Variants in MIPEP observed in about 807,000 individuals in gnomAD.
The protein encoded by MIPEP is mitochondrial intermediate peptidase.
A neutral mutation model predicts 90.3 loss-of-function variants in MIPEP; 79 were observed. The ratio of observed to expected loss-of-function variants is 0.87; its 90% CI spans 0.73 to 1.05. The LOEUF (loss-of-function observed/expected upper bound fraction) is 1.05, where lower values mean the gene tolerates loss of function less well. Among genes scored for constraint, MIPEP ranks in the 50% least tolerant of loss-of-function variants. The probability of loss-of-function intolerance (pLI) is 0.00; values close to 1 mark genes in which losing one functional copy is unlikely to be tolerated. For missense variants in MIPEP, 940 were observed against 905.6 expected (o/e 1.04, Z -0.49); for synonymous variants, 334 against 315.8 (o/e 1.06, Z -0.61).
chr13:23,818,909 G>A (rs377174428), intron 14 of MIPEP, among the ~76,000 whole-genome samples: 82 of 152,300 alleles, frequency 5.4e-4, no homozygotes, highest in African/African-American at 1.9e-3. Flanking sequence ...TCCATAATCC[G>A]TTAAGGTCTG....
intron 2 of MIPEP, among the ~76,000 whole-genome samples, chr13:23,885,240 T>G (rs1343504906): frequency 6.6e-6 from 1 of 152,032 alleles, no homozygotes; most frequent in African/African-American, 2.4e-5. Flanking sequence ...GACCTAAAAA[T>G]AGATACAACT....
At chr13:23,860,843 TGA>T (rs1870263211) in intron 9 of MIPEP, among the ~76,000 whole-genome samples, 3 of 151,952 alleles carry the variant, frequency 2.0e-5, no homozygotes, top group Admixed American at 6.6e-5. Context: ...GTGAGAATAA[TGA>T]TTGGGATCAT....
chr13:23,878,538 T>C (rs558957040), intron 4 of MIPEP, among the ~76,000 whole-genome samples: 6 of 152,204 alleles, frequency 3.9e-5, no homozygotes, highest in African/African-American at 1.2e-4. Flanking sequence ...CAACAAAACG[T>C]AGATAAACAG....
intron 18 of MIPEP, among the ~76,000 whole-genome samples, chr13:23,755,916 C>A (rs1483621889): frequency 1.3e-5 from 2 of 151,562 alleles, no homozygotes; most frequent in Non-Finnish European, 2.9e-5. Flanking sequence ...TAAATGAGTT[C>A]TTTAGACTAA....
chr13:23,855,256 T>C (rs1236939535), intron 10 of MIPEP, among the ~76,000 whole-genome samples: 2 of 152,232 alleles, frequency 1.3e-5, no homozygotes, highest in Non-Finnish European at 2.9e-5. Context: ...AAAAATGAGC[T>C]GCTCTTTAAG....
chr13:23,743,572 T>A (rs1273320132), intron 18 of MIPEP, among the ~76,000 whole-genome samples: 1 of 152,260 alleles, frequency 6.6e-6, no homozygotes, highest in Non-Finnish European at 1.5e-5. Flanking sequence ...GCTCTCTCTG[T>A]CTCTCTAGAA....
chr13:23,803,672 A>G (rs566625848), intron 16 of MIPEP, among the ~76,000 whole-genome samples: 1 of 152,296 alleles, frequency 6.6e-6, no homozygotes, highest in African/African-American at 2.4e-5. Context: ...GTGCATCCCT[A>G]CACCAGTGTT....
At chr13:23,877,134 G>T (rs573261364) in intron 4 of MIPEP, among the ~76,000 whole-genome samples, 2 of 151,984 alleles carry the variant, frequency 1.3e-5, no homozygotes, top group Non-Finnish European at 2.9e-5. Flanking sequence ...TTTTCCTTAC[G>T]AGAGTTTTCC....
At chr13:23,823,488 A>G (rs892734930) in intron 14 of MIPEP, among the ~76,000 whole-genome samples, 2 of 152,146 alleles carry the variant, frequency 1.3e-5, no homozygotes, top group African/African-American at 2.4e-5. Flanking sequence ...GTCCTACGTT[A>G]TGACTGCCAT....
intron 10 of MIPEP, among the ~76,000 whole-genome samples, chr13:23,844,684 T>C (rs1196880236): frequency 2.0e-5 from 3 of 152,150 alleles, no homozygotes; most frequent in African/African-American, 7.2e-5. Flanking sequence ...TAATGAACAT[T>C]TATTTTTATG....
At chr13:23,834,521 T>C (rs927489296) in intron 14 of MIPEP, among the ~76,000 whole-genome samples, 1 of 152,200 alleles carries the variant, frequency 6.6e-6, no homozygotes, top group Non-Finnish European at 1.5e-5. Context: ...TTCTTGGCTG[T>C]TTCTTGGATG....
intron 16 of MIPEP, among the ~76,000 whole-genome samples, chr13:23,805,303 T>C (rs1404760042): frequency 6.6e-6 from 1 of 152,192 alleles, no homozygotes. Flanking sequence ...CTGTTTGTTT[T>C]GAACCCCCAT....
chr13:23,801,284 T>C (rs887291292), intron 16 of MIPEP, among the ~76,000 whole-genome samples: 1 of 152,106 alleles, frequency 6.6e-6, no homozygotes, highest in Non-Finnish European at 1.5e-5. Flanking sequence ...TCCCAACCCA[T>C]ATATCCAGTC....
intron 1 of MIPEP, chr13:23,888,718 C>T: frequency 9.9e-7 from 1 of 1,005,872 alleles, no homozygotes; most frequent in Non-Finnish European, 1.2e-6. Flanking sequence ...GCAAAAAGAC[C>T]ATGTGATGCC....
chr13:23,767,911 C>T (rs966558472), intron 16 of MIPEP, among the ~76,000 whole-genome samples: 4 of 152,140 alleles, frequency 2.6e-5, no homozygotes, highest in African/African-American at 9.7e-5. Flanking sequence ...GAATAATACC[C>T]TTTTCTTGCT....
intron 10 of MIPEP, chr13:23,842,502 T>C (rs979320894): frequency 6.6e-6 from 1 of 152,162 alleles, no homozygotes; most frequent in Non-Finnish European, 1.5e-5. Context: ...GAAAGAGACG[T>C]TCATGATCCA....
At chr13:23,880,230 C>T (rs1243952272) in intron 3 of MIPEP, among the ~76,000 whole-genome samples, 1 of 152,092 alleles carries the variant, frequency 6.6e-6, no homozygotes, top group African/African-American at 2.4e-5. Context: ...ACTAGTGAAA[C>T]GTAGATAGTC....
At chr13:23,778,927 T>TGG in intron 16 of MIPEP, among the ~76,000 whole-genome samples, 1 of 152,298 alleles carries the variant, frequency 6.6e-6, no homozygotes, top group Non-Finnish European at 1.5e-5. Context: ...TTAATCTCAC[T>TGG]CTCCTCAGAG....
At chr13:23,782,882 T>A (rs1952795242) in intron 16 of MIPEP, among the ~76,000 whole-genome samples, 1 of 152,114 alleles carries the variant, frequency 6.6e-6, no homozygotes, top group Non-Finnish European at 1.5e-5. Flanking sequence ...CCTTGACACA[T>A]ACACTCTCCC....
Sources: allele counts gnomAD v4.1 joint callset (sites outside exome capture counted in the v4.1 genomes callset), GRCh38; gene constraint gnomAD v4.1.1; transcripts MANE v1.5; gene names NCBI Gene and HGNC (gene_info 2026-07-23, HGNC 2026-07-21).